The following MAP4K4 variants were observed in gnomAD, a reference collection of about 807,000 sequenced individuals.
MAP4K4 encodes the protein HPK/GCK-like kinase HGK.
A neutral mutation model predicts 189.6 loss-of-function variants in MAP4K4; 38 were observed. The ratio of observed to expected loss-of-function variants is 0.20; its 90% CI spans 0.15 to 0.26. The LOEUF (loss-of-function observed/expected upper bound fraction) is 0.26, where lower values mean the gene tolerates loss of function less well. Ranked by LOEUF, MAP4K4 falls within the 10% of genes least tolerant of loss-of-function variation. The pLI, the probability that MAP4K4 is intolerant of heterozygous loss-of-function variation, is 1.00. For missense variants in MAP4K4, 1,054 were observed against 1,726.9 expected (o/e 0.61, Z 6.91); for synonymous variants, 610 against 624.3 (o/e 0.98, Z 0.34).
chr2:101,790,028 T>C (rs2092587991), intron 2 of MAP4K4, among the ~76,000 whole-genome samples: 1 of 152,162 alleles, frequency 6.6e-6, no homozygotes, highest in African/African-American at 2.4e-5. Context: ...AAGAAGTGTA[T>C]AAAGAAGTTG....
intron 12 of MAP4K4, among the ~76,000 whole-genome samples, chr2:101,855,710 TGCAGTGA>T (rs1385560006): frequency 6.6e-6 from 1 of 152,202 alleles, no homozygotes; most frequent in Non-Finnish European, 1.5e-5. Context: ...ATTGCTGTGG[TGCAGTGA>T]GCAGTGGGGA....
At chr2:101,782,281 A>G (rs533314926) in intron 2 of MAP4K4, among the ~76,000 whole-genome samples, 3 of 152,298 alleles carry the variant, frequency 2.0e-5, no homozygotes, top group South Asian at 2.1e-4. Context: ...CATATTGTCT[A>G]TTTTGACTGT....
chr2:101,857,364 G>A (rs1177938175), intron 13 of MAP4K4, among the ~76,000 whole-genome samples: 5 of 152,172 alleles, frequency 3.3e-5, no homozygotes, highest in Admixed American at 1.3e-4. Context: ...GTATGTTTGT[G>A]TAGATGCGTG....
intron 2 of MAP4K4, among the ~76,000 whole-genome samples, chr2:101,765,867 GTATTT>G (rs2078417430): frequency 6.6e-6 from 1 of 152,102 alleles, no homozygotes; most frequent in Non-Finnish European, 1.5e-5. Flanking sequence ...TCTGTGAGGC[GTATTT>G]TAAAGTGTAG....
chr2:101,802,553 T>C lies in MAP4K4; in HGVS notation c.180+11777T>C, dbSNP rs115882730. On this transcript the variant is annotated intron_variant, in intron 3 of 32. Coordinates refer to ENST00000324219, the Ensembl canonical transcript of MAP4K4. ...GCCCAGAGACCTGTCACTTGCTGTTTGTTCATTGTGCCTGGAATGCCACTC... is the reference window on the plus strand; with the variant it reads ...GCCCAGAGACCTGTCACTTGCTGTTCGTTCATTGTGCCTGGAATGCCACTC... 3.5e-3 allele frequency among the ~76,000 whole-genome samples: 531 copies of C among 152,206 alleles called. 2 individuals are homozygous for C. Among genetic ancestry groups the C allele is most frequent in the African/African-American group, 0.012 (516 of 41,536 alleles).
exon 33 of MAP4K4, chr2:101,892,538 A>C (rs1253775742): frequency 4.3e-6 from 1 of 232,794 alleles, no homozygotes; most frequent in Non-Finnish European, 8.7e-6. Context: ...ACATTAGAAT[A>C]GTCACACAAA....
In MAP4K4 at chr2:101,877,889, A is replaced by G. The variant is rs1261768411; in HGVS notation, c.3385+743A>G. ...CTCAGCCTCCCGAGTAGCTGGGACT[A>G]CAGGCACTTCCCACCATGCCCGGCT... is the stretch of plus-strand genomic sequence containing the variant. On this transcript the variant is annotated intron_variant, in intron 27 of 32. Coordinates refer to ENST00000324219, the Ensembl canonical transcript of MAP4K4. 2.0e-5 allele frequency among the ~76,000 whole-genome samples: 3 copies of G among 152,140 alleles called. No homozygotes were observed. The East Asian group carries it at 5.8e-4, about 29-fold the overall frequency.
intron 2 of MAP4K4, among the ~76,000 whole-genome samples, chr2:101,786,037 G>A (rs1456773392): frequency 6.6e-6 from 1 of 152,062 alleles, no homozygotes; most frequent in African/African-American, 2.4e-5. Context: ...TGTTGGCCAG[G>A]CTGGTTTCGA....
chr2:101,876,903 C>T, intron 26 of MAP4K4, 100 bp from the exon 27 acceptor site: 2 of 1,220,434 alleles, frequency 1.6e-6, no homozygotes, highest in Non-Finnish European at 2.3e-6. Context: ...ATTAAGGAAG[C>T]TACACTTTTT....
chr2:101,798,256 G>C (rs1377879354), intron 3 of MAP4K4, among the ~76,000 whole-genome samples: 2 of 151,904 alleles, frequency 1.3e-5, no homozygotes, highest in Non-Finnish European at 2.9e-5. Context: ...CAGATATACT[G>C]TATATCTGTA....
intron 2 of MAP4K4, among the ~76,000 whole-genome samples, chr2:101,752,462 C>T (rs1461245568): frequency 1.3e-5 from 2 of 152,164 alleles, no homozygotes; most frequent in Non-Finnish European, 2.9e-5. Context: ...CTGCTTATAT[C>T]CATCTGCATT....
chr2:101,719,273 A>T (rs2050309149), intron 2 of MAP4K4, among the ~76,000 whole-genome samples: 1 of 152,196 alleles, frequency 6.6e-6, no homozygotes, highest in Admixed American at 6.5e-5. Context: ...TGGTGACATG[A>T]CAAGGTCATA....
chr2:101,731,644 G>C (rs756758097), intron 2 of MAP4K4, among the ~76,000 whole-genome samples: 15 of 151,926 alleles, frequency 9.9e-5, no homozygotes, highest in East Asian at 3.9e-4. Context: ...CCAGCTACTG[G>C]AGGGACTGAG....
intron 29 of MAP4K4, among the ~76,000 whole-genome samples, chr2:101,885,589 A>T (rs1260124376): frequency 1.3e-5 from 2 of 152,204 alleles, no homozygotes; most frequent in Non-Finnish European, 2.9e-5. Flanking sequence ...GGTGACCTTC[A>T]CCTGAGTCAT....
At chr2:101,739,717 C>T (rs2061816873) in intron 2 of MAP4K4, among the ~76,000 whole-genome samples, 1 of 152,202 alleles carries the variant, frequency 6.6e-6, no homozygotes, top group African/African-American at 2.4e-5. Flanking sequence ...TCTTTAAATT[C>T]AACTCCAGAA....
At chr2:101,806,497 T>TC (rs1208262627) in intron 3 of MAP4K4, among the ~76,000 whole-genome samples, 1 of 150,892 alleles carries the variant, frequency 6.6e-6, no homozygotes, top group Non-Finnish European at 1.5e-5. Flanking sequence ...TGCCTCAGCC[T>TC]CCCTAGGAGC....
rs1395710168 is a variant in MAP4K4, at chr2:101,784,286, GTA to G, written c.124-6432_124-6431del. Among the ~76,000 whole-genome samples the G allele has an allele frequency of 4.4e-3, 584 of 132,724 alleles. 9 individuals carry two copies. Among genetic ancestry groups the G allele is most frequent in the African/African-American group, 0.017 (538 of 31,244 alleles). 87.1% of individuals were successfully genotyped at this position (132,724 alleles called of 152,430 possible). ...TTCGTGTGTGTGTGTGTGTGTGTGT[GTA>G]TGTGTGTGTGTGTGTGTGTGTTTTT... On this transcript the variant is annotated intron_variant, in intron 2 of 32. Transcript: ENST00000324219.
At chr2:101,756,261 T>A (rs2072728251) in intron 2 of MAP4K4, among the ~76,000 whole-genome samples, 1 of 152,098 alleles carries the variant, frequency 6.6e-6, no homozygotes. Context: ...TTGATCTTAA[T>A]GAAGTCATAG....
chr2:101,712,092 A>T (rs1271382003), intron 2 of MAP4K4, among the ~76,000 whole-genome samples: 1 of 151,522 alleles, frequency 6.6e-6, no homozygotes, highest in Non-Finnish European at 1.5e-5. Flanking sequence ...AACTTACCAC[A>T]GTCTACCTTC....
Sources: allele counts gnomAD v4.1 joint callset (sites outside exome capture counted in the v4.1 genomes callset), GRCh38; gene constraint gnomAD v4.1.1; transcripts MANE v1.5; gene names NCBI Gene and HGNC (gene_info 2026-07-23, HGNC 2026-07-21).